CACNA1B: variants seen among roughly 807,000 people sequenced by gnomAD.
The protein encoded by CACNA1B is voltage-dependent N-type calcium channel subunit alpha-1B.
A neutral mutation model predicts 247.2 loss-of-function variants in CACNA1B; 70 were observed. The ratio of observed to expected loss-of-function variants is 0.28; its 90% CI spans 0.23 to 0.35. CACNA1B has a LOEUF of 0.35. CACNA1B is among the 10% of genes least tolerant of loss of function. The pLI, the probability that CACNA1B is intolerant of heterozygous loss-of-function variation, is 1.00. For missense variants in CACNA1B, 2,367 were observed against 3,197.4 expected (o/e 0.74, Z 6.26); for synonymous variants, 1,231 against 1,294.4 (o/e 0.95, Z 1.05).
rs1957334122 is a variant in CACNA1B at position 137,909,260 on chromosome 9, G to A, written c.531-3920G>A. On this transcript the variant is annotated intron_variant, in intron 3 of 46. Transcript: ENST00000371372. ...CTGCCTCAGCCTCTCAAAGTGCTGG[G>A]ATGACAGGCGTGAGCCACTGCGCCC... Among the ~76,000 whole-genome samples the A allele has an allele frequency of 2.6e-5, 4 of 152,210 alleles. No individual in the cohort carries two copies. The South Asian group carries it at 8.3e-4, about 31-fold the overall frequency.
At position 137,973,589 on chromosome 9, in the gene CACNA1B, C is replaced by T. The variant is rs1291974835; in HGVS notation, c.1543+1997C>T. Reference sequence around the variant, plus strand: ...TCACCCTCCCTCTGCTCCCATAGCACACCATCCTCTTGGAAGACAAAACCT... The same window carrying T: ...TCACCCTCCCTCTGCTCCCATAGCATACCATCCTCTTGGAAGACAAAACCT... On this transcript the variant is annotated intron_variant, in intron 11 of 46. Coordinates refer to ENST00000371372, the MANE Select transcript of CACNA1B (RefSeq NM_000718.4). This position sits in a 1 kb window ranked among gnomAD's most constrained non-coding sequence, Gnocchi z 4.1. Among the ~76,000 whole-genome samples the T allele has an allele frequency of 1.3e-5, 2 of 152,234 alleles. No homozygotes were observed. Among genetic ancestry groups the T allele is most frequent in the Non-Finnish European group, 2.9e-5 (2 of 68,044 alleles).
At chr9:138,036,284 C>T (rs1300917762) in intron 20 of CACNA1B, among the ~76,000 whole-genome samples, 9 of 152,142 alleles carry the variant, frequency 5.9e-5, no homozygotes, top group African/African-American at 1.4e-4. Flanking sequence ...GGACTACAGG[C>T]GCCCGCCACC....
chr9:137,988,344 G>A (rs1238526223), intron 15 of CACNA1B, among the ~76,000 whole-genome samples: 2 of 152,164 alleles, frequency 1.3e-5, no homozygotes, highest in African/African-American at 2.4e-5. Context: ...AGGTGTGGGC[G>A]GGCCAGGCTG....
At chr9:137,901,255 T>C (rs965930294) in intron 3 of CACNA1B, among the ~76,000 whole-genome samples, 3 of 150,720 alleles carry the variant, frequency 2.0e-5, no homozygotes, top group Non-Finnish European at 4.4e-5. Context: ...TGTCTCTGTG[T>C]TCCTGTGTCT....
intron 23 of CACNA1B, 51 bp downstream of exon 23, chr9:138,047,509 C>T: frequency 2.3e-6 from 3 of 1,310,722 alleles, no homozygotes; most frequent in Non-Finnish European, 3.3e-6. Context: ...CTCCCTCCCT[C>T]ATGATTGAGA....
intron 6 of CACNA1B, among the ~76,000 whole-genome samples, chr9:137,951,782 A>C (rs1957880413): frequency 6.6e-6 from 1 of 152,210 alleles, no homozygotes; most frequent in Non-Finnish European, 1.5e-5. Context: ...CTGAAAATGC[A>C]GATGGGCCCA....
In CACNA1B at chr9:138,118,101, A is replaced by C. The variant is rs546255352; in HGVS notation, c.5913+20A>C. The stretch of plus-strand genomic sequence containing the variant: ...GCACTGGTGAGCACTCCCGGGGGCT[A>C]GTGAGACTGGGTTGGGGGATGTGTG... On this transcript the variant is annotated intron_variant, in intron 43 of 46. Coordinates refer to ENST00000371372, the MANE Select transcript of CACNA1B (RefSeq NM_000718.4). 6 of 1,194,462 alleles carry C rather than the reference A, an allele frequency of 5.0e-6. No individual in the cohort carries two copies. The South Asian group carries it at 8.8e-5, about 17-fold the overall frequency. The allele number at this position is 1,194,462 out of a possible 1,614,324, so 74.0% of individuals were successfully genotyped here. A position where few individuals can be genotyped will look rare whatever the true frequency, so the allele number is the denominator to read the frequency against.
In CACNA1B at chr9:138,012,479, A is replaced by G. The variant is rs1958736535; in HGVS notation, c.2161-650A>G. Among the ~76,000 whole-genome samples, 1 of 152,092 alleles carries G rather than the reference A, an allele frequency of 6.6e-6. No homozygotes were observed. The highest frequency in any genetic ancestry group is 6.5e-5 in the Admixed American group (1 of 15,268). Reference sequence around the variant, plus strand: ...AAGCTGAAGGCCAGGCATGGTAGCTAACACCTGTACTCCCAGCACTTTGGG... The same window carrying G: ...AAGCTGAAGGCCAGGCATGGTAGCTGACACCTGTACTCCCAGCACTTTGGG... On this transcript the variant is annotated intron_variant, in intron 17 of 46. Transcript: ENST00000371372. This position sits in a 1 kb window ranked among gnomAD's most constrained non-coding sequence, Gnocchi z 4.2.
chr9:138,101,479 A>G (rs554727752), intron 37 of CACNA1B, among the ~76,000 whole-genome samples: 1 of 152,336 alleles, frequency 6.6e-6, no homozygotes, highest in South Asian at 2.1e-4. Flanking sequence ...TGCATCAAGG[A>G]AGCAGCCGAC....
At chr9:137,989,424 C>T (rs1313981954) in intron 15 of CACNA1B, among the ~76,000 whole-genome samples, 2 of 151,972 alleles carry the variant, frequency 1.3e-5, no homozygotes, top group East Asian at 1.9e-4. Flanking sequence ...ATGTGAGGTG[C>T]GAAAGAGAGG....
intron 6 of CACNA1B, among the ~76,000 whole-genome samples, chr9:137,938,001 G>A (rs1316101733): frequency 7.5e-6 from 1 of 132,554 alleles, no homozygotes; most frequent in East Asian, 2.3e-4. Context: ...ACTCTTAAGA[G>A]CTATGAGCCA....
At chr9:137,962,029 G>C (rs1958026716) in intron 10 of CACNA1B, among the ~76,000 whole-genome samples, 1 of 152,178 alleles carries the variant, frequency 6.6e-6, no homozygotes, top group East Asian at 1.9e-4. Flanking sequence ...TTGATTGGTA[G>C]GCTATTTATT....
rs1420199778 is a variant in CACNA1B at position 137,924,227 on chromosome 9, ATTG to A, written c.966+6799_966+6801del. ...TTCTTTTTTTTTTTCTAAAAGTTGT[ATTG>A]TTTTATATTTTACATGTAAGTTTAC... On this transcript the variant is annotated intron_variant, in intron 6 of 46. Transcript: ENST00000371372. Among the ~76,000 whole-genome samples the A allele has an allele frequency of 4.7e-5, 7 of 149,088 alleles. No homozygotes were observed. In the East Asian group the frequency reaches 1.4e-3, roughly 29 times the overall value.
At chr9:137,886,290 A>G (rs550459535) in intron 3 of CACNA1B, among the ~76,000 whole-genome samples, 3 of 151,592 alleles carry the variant, frequency 2.0e-5, no homozygotes, top group African/African-American at 7.3e-5. Context: ...CACTCCAGCA[A>G]GAGCCCCACT....
chr9:137,959,142 G>A (rs928654548), intron 10 of CACNA1B, among the ~76,000 whole-genome samples: 2 of 151,750 alleles, frequency 1.3e-5, no homozygotes, highest in African/African-American at 4.8e-5. Flanking sequence ...GTGCAATCTC[G>A]GCTCACTGCA....
At chr9:138,000,177 C>A (rs1030813007) in intron 15 of CACNA1B, among the ~76,000 whole-genome samples, 1 of 151,156 alleles carries the variant, frequency 6.6e-6, no homozygotes, top group South Asian at 2.1e-4. Flanking sequence ...CGGCTCACTG[C>A]AAGCTCCGCC....
intron 42 of CACNA1B, among the ~76,000 whole-genome samples, chr9:138,117,130 G>A (rs1050377524): frequency 2.0e-5 from 3 of 152,222 alleles, no homozygotes; most frequent in African/African-American, 4.8e-5. Flanking sequence ...CACATTCCAC[G>A]CCAGTTGGGA....
At chr9:138,096,302 A>G (rs1961052992) in intron 36 of CACNA1B, among the ~76,000 whole-genome samples, 182 bp from the exon 37 acceptor site, 1 of 152,088 alleles carries the variant, frequency 6.6e-6, no homozygotes, top group African/African-American at 2.4e-5. Context: ...TGGATTCCAG[A>G]ACCCCGTGAA....
In CACNA1B at chr9:137,923,930, G is replaced by A. The variant is rs186566182; in HGVS notation, c.966+6499G>A. On this transcript the variant is annotated intron_variant, in intron 6 of 46. Coordinates refer to ENST00000371372, the MANE Select transcript of CACNA1B (RefSeq NM_000718.4). The stretch of plus-strand genomic sequence containing the variant: ...CTTTCTGGACTTATTTGCCATCTGT[G>A]TATCTTTGGTGAAACGTCTCTTCAC... Among the ~76,000 whole-genome samples the A allele has an allele frequency of 2.0e-5, 3 of 152,276 alleles. No homozygotes were observed. In the East Asian group the frequency reaches 5.8e-4, roughly 29 times the overall value.
Sources: allele counts gnomAD v4.1 joint callset (sites outside exome capture counted in the v4.1 genomes callset), GRCh38; gene constraint gnomAD v4.1.1; non-coding constraint Gnocchi (gnomAD v3.1); transcripts MANE v1.5; gene names NCBI Gene and HGNC (gene_info 2026-07-23, HGNC 2026-07-21).